Variants in EXOC3L1 observed in about 807,000 individuals in gnomAD.
EXOC3L1 encodes the protein exocyst complex component 3-like protein.
Under a neutral mutation model 83.6 loss-of-function variants are expected in EXOC3L1, and 79 were observed. The ratio of observed to expected loss-of-function variants is 0.95; its 90% CI spans 0.79 to 1.14. EXOC3L1 has a LOEUF of 1.14. Ranked by LOEUF, EXOC3L1 falls within the 50% of genes most tolerant of loss-of-function variation. The probability of loss-of-function intolerance (pLI) is 0.00; values close to 1 mark genes in which losing one functional copy is unlikely to be tolerated. For missense variants in EXOC3L1, 945 were observed against 972.0 expected (o/e 0.97, Z 0.37); for synonymous variants, 433 against 451.2 (o/e 0.96, Z 0.51).
chr16:67,187,122 T>A lies in EXOC3L1; in HGVS notation c.1057A>T (p.Ser353Cys), dbSNP rs200006692. Residue 353 changes from serine (S) to cysteine (C), a missense_variant, in exon 6 of 14, where the codon AGC becomes TGC. By Grantham distance (112) the Ser-to-Cys change is moderately radical. Coordinates refer to ENST00000314586, the MANE Select transcript of EXOC3L1 (RefSeq NM_178516.4). ...TCAGCCTCAGGCCCCAACTCCAGGC[T>A]CCCCATCATTTCCTGCCTGGAGATA... ...HVYLGQEMMG[S>C]LELGPEADVS... The A allele has an allele frequency of 2.0e-4, 321 of 1,613,118 alleles. 9 individuals are homozygous for A. In the South Asian group the frequency reaches 3.4e-3, roughly 17 times the overall value.
chr16:67,186,178 A>G, intron 9 of EXOC3L1, 59 bp downstream of exon 9: 2 of 1,211,044 alleles, frequency 1.7e-6, no homozygotes, highest in Non-Finnish European at 2.4e-6. Context: ...GAGCCCATAC[A>G]TAATAGGTAC....
chr16:67,187,624 C>A lies in EXOC3L1; in HGVS notation c.641G>T (p.Arg214Leu). ...AGCCACCAACAGGGCTGGGTCCTCCCGTGCCAGCTTCCCTGCGGCCCCTGC... is the reference window on the plus strand; with the variant it reads ...AGCCACCAACAGGGCTGGGTCCTCCAGTGCCAGCTTCCCTGCGGCCCCTGC... ...AAAGAAGKLA[R>L]EDPALLVAAV... The change falls in exon 5 of 14, where the codon CGG (arginine) becomes CTG (leucine). Residue 214 changes from arginine (R) to leucine (L), a missense_variant. Physicochemically the swap from Arg to Leu is moderately radical, Grantham distance 102. Transcript: ENST00000314586. 2 of 1,608,420 alleles carry A rather than the reference C, an allele frequency of 1.2e-6. No homozygotes were observed. Among genetic ancestry groups the A allele is most frequent in the Non-Finnish European group, 8.5e-7 (1 of 1,177,800 alleles).
At position 67,188,771 on chromosome 16, in the gene EXOC3L1, T is replaced by A; in HGVS notation, c.377A>T (p.Gln126Leu). ...TLEPLRERVA[Q>L]HKQLQALSHL... ...AGACAGGGCCTGCAGTTGCTTGTGC[T>A]GGGCAACCCGCTCCCGTAGGGGCTC... Residue 126 changes from glutamine (Q) to leucine (L), a missense_variant, in exon 4 of 14, where the codon CAG (glutamine) becomes CTG (leucine). Coordinates refer to ENST00000314586, the MANE Select transcript of EXOC3L1 (RefSeq NM_178516.4). The A allele has an allele frequency of 6.2e-7, 1 of 1,613,048 alleles. No homozygotes were observed. The highest frequency in any genetic ancestry group is 2.2e-5 in the East Asian group (1 of 44,890).
In EXOC3L1 at chr16:67,189,690, G is replaced by A; in HGVS notation, c.-7-7C>T. 6.2e-7 allele frequency: 1 copy of A among 1,613,976 alleles called. No homozygotes were observed. Among genetic ancestry groups the A allele is most frequent in the South Asian group, 1.1e-5 (1 of 91,030 alleles). On this transcript the variant is annotated splice_region_variant and splice_polypyrimidine_tract_variant and intron_variant, in intron 1 of 13. Coordinates refer to ENST00000314586, the MANE Select transcript of EXOC3L1 (RefSeq NM_178516.4). ...TGCTGAGTCCATTGTGGGCCTGGAG[G>A]AGCCAGAGCTGAGGTGGGCCCGGGG... is the stretch of plus-strand genomic sequence containing the variant.
chr16:67,185,554 A>T (rs912191545), intron 9 of EXOC3L1, 64 bp from the exon 10 acceptor site: 7 of 1,497,976 alleles, frequency 4.7e-6, no homozygotes, highest in Non-Finnish European at 6.4e-6. Flanking sequence ...TCGGTGGTCC[A>T]GACCCTCCGG....
intron 6 of EXOC3L1, 23 bp from the exon 7 acceptor site, chr16:67,186,907 A>G: frequency 2.5e-6 from 4 of 1,613,366 alleles, no homozygotes; most frequent in South Asian, 1.1e-5. Context: ...GCCAGGGGCA[A>G]AGGAATGTAG....
At position 67,187,157 on chromosome 16, in the gene EXOC3L1, G is replaced by A; in HGVS notation, c.1041-19C>T. The A allele has an allele frequency of 1.2e-6, 2 of 1,612,112 alleles. No individual in the cohort carries two copies. Among genetic ancestry groups the A allele is most frequent in the Non-Finnish European group, 1.7e-6 (2 of 1,179,626 alleles). On this transcript the variant is annotated intron_variant, in intron 5 of 13. Transcript: ENST00000314586. ...TTCCTGCCTGGAGATAGGTGGCCTG[G>A]TGTCACACCAAGCCACCAAGCCCCC...
At position 67,187,668 on chromosome 16, in the gene EXOC3L1, G is replaced by A; in HGVS notation, c.597C>T (p.Gly199=). 6.2e-7 allele frequency: 1 copy of A among 1,612,616 alleles called. No individual in the cohort carries two copies. The highest frequency in any genetic ancestry group is 8.5e-7 in the Non-Finnish European group (1 of 1,179,828). The change falls in exon 5 of 14, where the codon GGC becomes GGT. Residue 199 remains glycine, a synonymous_variant. Transcript: ENST00000314586. ...CCCCTGCAGCTGCTTCCACAGCCTGGCCCAGTGCCTCGAACAGAAGGTCCA... is the reference window on the plus strand; with the variant it reads ...CCCCTGCAGCTGCTTCCACAGCCTGACCCAGTGCCTCGAACAGAAGGTCCA... ...QGLDLLFEAL[G]QAVEAAAGAA...
chr16:67,187,337 G>A lies in EXOC3L1; in HGVS notation c.928C>T (p.His310Tyr), dbSNP rs1468985293. ...CGGCGCAAACCACTATGCAGCGTGTGGGCCCATAGCTGGACCACGTTGTAC... is the reference window on the plus strand; with the variant it reads ...CGGCGCAAACCACTATGCAGCGTGTAGGCCCATAGCTGGACCACGTTGTAC... ...PQYNVVQLWA[H>Y]TLHSGLRRSL... The change falls in exon 5 of 14, where the codon CAC (histidine) becomes TAC (tyrosine). Residue 310 changes from histidine (H) to tyrosine (Y), a missense_variant. Coordinates refer to ENST00000314586, the MANE Select transcript of EXOC3L1 (RefSeq NM_178516.4). 3 of 1,612,826 alleles carry A rather than the reference G, an allele frequency of 1.9e-6. No individual in the cohort carries two copies. Among genetic ancestry groups the A allele is most frequent in the Non-Finnish European group, 2.5e-6 (3 of 1,180,022 alleles).
In EXOC3L1 at chr16:67,185,132, C is replaced by T. The variant is rs201243773; in HGVS notation, c.1749+4G>A. 6.2e-7 allele frequency: 1 copy of T among 1,613,256 alleles called. No individual in the cohort carries two copies. The highest frequency in any genetic ancestry group is 2.2e-5 in the East Asian group (1 of 44,878). ...CCCTTCCCCAATCTTTTCCCCCAAC[C>T]CACCTGAACCGTGGGGTTCCGCACG... On this transcript the variant is annotated splice_donor_region_variant and intron_variant, in intron 11 of 13. Coordinates refer to ENST00000314586, the MANE Select transcript of EXOC3L1 (RefSeq NM_178516.4).
intron 6 of EXOC3L1, 25 bp downstream of exon 6, chr16:67,186,996 C>G (rs1195125408): frequency 6.2e-7 from 1 of 1,613,470 alleles, no homozygotes. Context: ...TAGGACTTCT[C>G]TGGACCTGTG....
In EXOC3L1 at chr16:67,188,872, C is replaced by T. The variant is rs1160504662; in HGVS notation, c.276G>A (p.Val92=). The change falls in exon 4 of 14, where the codon GTG becomes GTA. Residue 92 remains valine, a synonymous_variant. Coordinates refer to ENST00000314586, the MANE Select transcript of EXOC3L1 (RefSeq NM_178516.4). ...TCAGGGCCTCCCGGGTTCCCTGCAC[C>T]ACCTCAATGGCCTGGGCCAGCTGCC... ...GVWQLAQAIE[V]VQGTREALSQ... is the part of the protein sequence containing the mutation. The T allele has an allele frequency of 6.2e-7, 1 of 1,612,974 alleles. No homozygotes were observed. The highest frequency in any genetic ancestry group is 1.1e-5 in the South Asian group (1 of 91,058).
chr16:67,188,427 G>A (rs897770838), intron 4 of EXOC3L1, among the ~76,000 whole-genome samples: 1 of 152,158 alleles, frequency 6.6e-6, no homozygotes, highest in Non-Finnish European at 1.5e-5. Flanking sequence ...AGGGGAAATC[G>A]GGGGGTCCTG....
chr16:67,188,316 A>C (rs1234460337), intron 4 of EXOC3L1, among the ~76,000 whole-genome samples: 1 of 152,132 alleles, frequency 6.6e-6, no homozygotes, highest in Admixed American at 6.5e-5. Flanking sequence ...AGTACTGGCC[A>C]ATCTAAGAGG....
rs2032728851 is a variant in EXOC3L1, at chr16:67,186,578, T to G, written c.1364A>C (p.Glu455Ala). The change falls in exon 8 of 14, where the codon GAA (glutamate) becomes GCA (alanine). Residue 455 changes from glutamate (E) to alanine (A), a missense_variant. By Grantham distance (107) the Glu-to-Ala change is moderately radical. Coordinates refer to ENST00000314586, the MANE Select transcript of EXOC3L1 (RefSeq NM_178516.4). ...AAACCTCCTCAAGAATGTGCCCAGT[T>G]CTGACAGTGCCATGCCATGCACTCG... ...QQRVHGMALS[E>A]LGTFLRSFSD... 2 of 1,613,884 alleles carry G rather than the reference T, an allele frequency of 1.2e-6. No individual in the cohort carries two copies. The highest frequency in any genetic ancestry group is 2.2e-5 in the South Asian group (2 of 91,080).
intron 8 of EXOC3L1, 74 bp downstream of exon 8, chr16:67,186,483 A>C (rs1327161297): frequency 6.6e-7 from 1 of 1,518,416 alleles, no homozygotes; most frequent in Non-Finnish European, 9.1e-7. Flanking sequence ...GACATGTCTT[A>C]TTCACTCAGA....
In EXOC3L1 at chr16:67,184,392, G is replaced by T; in HGVS notation, c.*2C>A. The T allele has an allele frequency of 6.5e-7, 1 of 1,534,864 alleles. No individual in the cohort carries two copies. Among genetic ancestry groups the T allele is most frequent in the Non-Finnish European group, 8.7e-7 (1 of 1,146,002 alleles). On this transcript the variant is annotated 3_prime_UTR_variant, in exon 14 of 14. Coordinates refer to ENST00000314586, the MANE Select transcript of EXOC3L1 (RefSeq NM_178516.4). ...CAGACTCAGGCGTCCGGCAGCCGTG[G>T]TTTATTCTGCGAGCAGCAGGGCTCG...
intron 9 of EXOC3L1, among the ~76,000 whole-genome samples, chr16:67,185,979 G>A (rs116152273): frequency 0.032 from 4,909 of 152,202 alleles, 133 homozygotes; most frequent in South Asian, 0.069. Context: ...CACTATGGTG[G>A]CCACTTTACA....
intron 2 of EXOC3L1, 26 bp from the exon 3 acceptor site, chr16:67,189,206 G>A (rs753728646): frequency 1.0e-5 from 16 of 1,571,452 alleles, no homozygotes; most frequent in Non-Finnish European, 1.2e-5. Flanking sequence ...CTGGGCAGCC[G>A]TGTAGTCAGG....
Sources: gnomAD v4.1 joint callset for allele counts (sites outside exome capture counted in the v4.1 genomes callset) on GRCh38, gnomAD v4.1.1 for gene constraint, MANE v1.5 for transcripts, NCBI Gene and HGNC (gene_info 2026-07-23, HGNC 2026-07-21) for gene names.